The following CCDC175 variants were observed in gnomAD, a reference collection of about 807,000 sequenced individuals.
CCDC175 encodes the protein coiled-coil domain containing 175.
Under a neutral mutation model 114.6 loss-of-function variants are expected in CCDC175, and 100 were observed. The ratio of observed to expected loss-of-function variants is 0.87; its 90% CI spans 0.74 to 1.03. The LOEUF is 1.03. CCDC175 is among the 50% of genes least tolerant of loss of function. CCDC175 has a pLI of 0.00. For missense variants in CCDC175, 880 were observed against 917.8 expected (o/e 0.96, Z 0.53); for synonymous variants, 306 against 308.7 (o/e 0.99, Z 0.09).
chr14:59,515,097 T>C (rs577802635), intron 17 of CCDC175, among the ~76,000 whole-genome samples: 1 of 152,290 alleles, frequency 6.6e-6, no homozygotes, highest in African/African-American at 2.4e-5. Context: ...AATAAAATCC[T>C]TTATAGACAA....
chr14:59,531,051 G>C (rs1444726904), intron 14 of CCDC175, among the ~76,000 whole-genome samples: 2 of 151,806 alleles, frequency 1.3e-5, no homozygotes, highest in African/African-American at 4.8e-5. Flanking sequence ...AAGGCAGAAG[G>C]ATCTCCTAAG....
chr14:59,566,660 A>G (rs1896565359), intron 4 of CCDC175, among the ~76,000 whole-genome samples: 1 of 152,126 alleles, frequency 6.6e-6, no homozygotes, highest in African/African-American at 2.4e-5. Flanking sequence ...TGAGAAGAAA[A>G]GAACACTCAC....
At chr14:59,541,992 G>C (rs17834196) in intron 10 of CCDC175, among the ~76,000 whole-genome samples, 68,104 of 152,028 alleles carry the variant, frequency 0.45, 17,431 homozygotes, top group East Asian at 0.81. Flanking sequence ...TTCAAGCAAG[G>C]AACCTATGCT....
chr14:59,547,895 C>A (rs1895212935), intron 8 of CCDC175, among the ~76,000 whole-genome samples: 1 of 152,026 alleles, frequency 6.6e-6, no homozygotes, highest in Non-Finnish European at 1.5e-5. Context: ...ATGTATTGTT[C>A]TGTAATGTGT....
Position 59,525,405 on chromosome 14 carries a change from TA to T in CCDC175, c.1871del (p.Leu624TyrfsTer16). On this transcript the variant is annotated frameshift_variant, in exon 16 of 20. Coordinates refer to ENST00000537690, the MANE Select transcript of CCDC175 (RefSeq NM_001164399.2). LOFTEE classifies it high-confidence loss of function. ...MEDVKQELQQLRDQESKKNKD... is the reference protein window; with the variant it reads ...MEDVKQELQQXRDQESKKNKD... Reference sequence around the variant, plus strand: ...TGTTTTTTTTGCTTTCTTGATCTCGTAATTGTTGTAATTCTTGTTTTACATC... The same window carrying T: ...TGTTTTTTTTGCTTTCTTGATCTCGTATTGTTGTAATTCTTGTTTTACATC... 1 of 1,513,684 alleles carries T rather than the reference TA, an allele frequency of 6.6e-7. No individual in the cohort carries two copies. The highest frequency in any genetic ancestry group is 8.8e-7 in the Non-Finnish European group (1 of 1,140,750). 93.8% of individuals were successfully genotyped at this position (1,513,684 alleles called of 1,614,324 possible). A position where few individuals can be genotyped will look rare whatever the true frequency, so the allele number is the denominator to read the frequency against.
At chr14:59,511,548 T>TAAAAAAAAAAAAAA (rs34490884) in intron 18 of CCDC175, among the ~76,000 whole-genome samples, 12 of 94,650 alleles carry the variant, frequency 1.3e-4, no homozygotes, top group South Asian at 7.6e-4. Flanking sequence ...TGATATTTGG[T>TAAAAAAAAAAAAAA]AAAAAAAAAA....
chr14:59,567,924 C>T (rs1896648005), intron 4 of CCDC175, among the ~76,000 whole-genome samples: 1 of 152,146 alleles, frequency 6.6e-6, no homozygotes, highest in Admixed American at 6.5e-5. Context: ...GGAAACTAAA[C>T]CCATTGTGTG....
intron 5 of CCDC175, 37 bp downstream of exon 5, chr14:59,565,010 C>T: frequency 1.5e-6 from 2 of 1,361,338 alleles, no homozygotes; most frequent in Middle Eastern, 2.0e-4. Context: ...AGATTCTATA[C>T]ATTATTGTAT....
intron 2 of CCDC175, among the ~76,000 whole-genome samples, chr14:59,573,206 C>T (rs538072374): frequency 7.2e-5 from 11 of 152,092 alleles, no homozygotes; most frequent in Admixed American, 2.0e-4. Context: ...CTCATACACA[C>T]CTACAAACCC....
At chr14:59,526,442 C>A (rs551671140) in intron 15 of CCDC175, among the ~76,000 whole-genome samples, 1 of 151,752 alleles carries the variant, frequency 6.6e-6, no homozygotes, top group South Asian at 2.1e-4. Context: ...CTCATCTCTA[C>A]TAAAAAATAC....
At chr14:59,535,423 T>C (rs1474277650) in intron 13 of CCDC175, among the ~76,000 whole-genome samples, 1 of 152,224 alleles carries the variant, frequency 6.6e-6, no homozygotes, top group Non-Finnish European at 1.5e-5. Flanking sequence ...ATAGGATCCT[T>C]ATTCCTTATC....
chr14:59,540,595 T>C, intron 11 of CCDC175, 80 bp downstream of exon 11: 1 of 1,404,450 alleles, frequency 7.1e-7, no homozygotes, highest in East Asian at 2.5e-5. Flanking sequence ...ACAAGTACTC[T>C]GCACTGTTCA....
chr14:59,533,202 C>A lies in CCDC175; in HGVS notation c.1624-1292G>T, dbSNP rs112924477. 2.1e-3 allele frequency among the ~76,000 whole-genome samples: 315 copies of A among 152,290 alleles called. 1 individual carries two copies. Among genetic ancestry groups the A allele is most frequent in the African/African-American group, 6.8e-3 (282 of 41,556 alleles). On this transcript the variant is annotated intron_variant, in intron 13 of 19. Coordinates refer to ENST00000537690, the MANE Select transcript of CCDC175 (RefSeq NM_001164399.2). ...AGGAACTAATATCTCTTGGACGTAT[C>A]TTCCAGATTTCAAAGGGCATACCCA...
chr14:59,529,450 T>A (rs2140000965), intron 14 of CCDC175, among the ~76,000 whole-genome samples: 1 of 152,192 alleles, frequency 6.6e-6, no homozygotes, highest in East Asian at 1.9e-4. Context: ...TTATAAAGAC[T>A]TTCAACCAAC....
intron 17 of CCDC175, among the ~76,000 whole-genome samples, chr14:59,513,082 T>C (rs988788783): frequency 1.1e-4 from 16 of 152,154 alleles, no homozygotes; most frequent in Admixed American, 5.2e-4. Flanking sequence ...GGCAAAAGCA[T>C]AGTCTTTTCA....
chr14:59,532,457 G>A (rs1040267460), intron 13 of CCDC175, among the ~76,000 whole-genome samples: 14 of 152,200 alleles, frequency 9.2e-5, no homozygotes, highest in African/African-American at 2.7e-4. Context: ...AAATCAGGAT[G>A]GATTTTAAAT....
At chr14:59,561,254 G>T in intron 6 of CCDC175, 26 bp from the exon 7 acceptor site, 3 of 1,262,754 alleles carry the variant, frequency 2.4e-6, no homozygotes, top group South Asian at 1.3e-5. Flanking sequence ...CAAAAATATG[G>T]CATCCAATCA....
intron 6 of CCDC175, among the ~76,000 whole-genome samples, chr14:59,563,263 A>C (rs747165625): frequency 6.6e-6 from 1 of 152,188 alleles, no homozygotes; most frequent in African/African-American, 2.4e-5. Context: ...TTTTGACAGA[A>C]GTACAGAGCT....
Position 59,568,394 on chromosome 14 carries a change from G to A in CCDC175, c.356-14C>T. On this transcript the variant is annotated splice_polypyrimidine_tract_variant and intron_variant, in intron 3 of 19. Coordinates refer to ENST00000537690, the MANE Select transcript of CCDC175 (RefSeq NM_001164399.2). ...CTCGGACACATTCTTCAAAGTAAGT[G>A]GAAATATTACTACATTATTTGAGGA... 2 of 1,487,608 alleles carry A rather than the reference G, an allele frequency of 1.3e-6. No homozygotes were observed. The highest frequency in any genetic ancestry group is 2.5e-5 in the Admixed American group (1 of 40,376). 92.2% of individuals were successfully genotyped at this position (1,487,608 alleles called of 1,614,324 possible).
Sources: allele counts gnomAD v4.1 joint callset (sites outside exome capture counted in the v4.1 genomes callset), GRCh38; gene constraint gnomAD v4.1.1; transcripts MANE v1.5; gene names NCBI Gene and HGNC (gene_info 2026-07-23, HGNC 2026-07-21).